Variants in VRK3 observed in about 807,000 individuals in gnomAD.
VRK3 encodes serine/threonine-protein kinase VRK3.
In VRK3, 50 loss-of-function variants were observed where a neutral mutation model predicts 60.4. That is an observed-to-expected ratio of 0.83 (90% confidence interval 0.66 to 1.05). The LOEUF (loss-of-function observed/expected upper bound fraction) is 1.05, where lower values mean the gene tolerates loss of function less well. Ranked by LOEUF, VRK3 falls within the 50% of genes least tolerant of loss-of-function variation. The pLI is 0.00. For synonymous variants in VRK3, 246 were observed against 227.8 expected (o/e 1.08, Z -0.72); for missense variants, 549 against 585.3 (o/e 0.94, Z 0.64).
Position 50,007,654 on chromosome 19 carries a change from T to A in VRK3, c.462A>T (p.Thr154=), listed in dbSNP as rs771485087. The change falls in exon 5 of 15, where the codon ACA becomes ACT. Residue 154 remains threonine, a synonymous_variant. Coordinates refer to ENST00000316763, the MANE Select transcript of VRK3 (RefSeq NM_016440.4). ...CACTCTTGTCTGTCAGCACTGTCCC[T>A]GTGGGCAAAGCTTCAAGTGAGGTGG... ...RVTTSLEALP[T]GTVLTDKSGR... is the part of the protein sequence containing the mutation. 1.2e-6 allele frequency: 2 copies of A among 1,614,226 alleles called. No homozygotes were observed. The highest frequency in any genetic ancestry group is 1.7e-6 in the Non-Finnish European group (2 of 1,180,044).
intron 1 of VRK3, among the ~76,000 whole-genome samples, chr19:50,022,655 G>A (rs10420596): frequency 0.052 from 7,911 of 151,930 alleles, 679 homozygotes; most frequent in African/African-American, 0.18. Flanking sequence ...TCAGCCGGGC[G>A]TGGTGGTGGG....
At chr19:50,024,236 C>A (rs2077223889) in intron 1 of VRK3, among the ~76,000 whole-genome samples, 1 of 152,166 alleles carries the variant, frequency 6.6e-6, no homozygotes, top group African/African-American at 2.4e-5. Flanking sequence ...CCGTGCCCAG[C>A]CAAATTTTTT....
intron 12 of VRK3, chr19:49,982,319 T>C: frequency 1.5e-6 from 1 of 664,274 alleles, no homozygotes; most frequent in South Asian, 1.6e-5. Flanking sequence ...TTCAGCATTA[T>C]GCTAGGTGGC....
chr19:49,981,775 G>A (rs763988977), intron 12 of VRK3: 58 of 1,036,400 alleles, frequency 5.6e-5, no homozygotes, highest in African/African-American at 1.9e-4. Context: ...CTCCCCACCC[G>A]TCCCAAGCAC....
At chr19:50,016,421 T>A (rs2077080197) in intron 2 of VRK3, among the ~76,000 whole-genome samples, 2 of 152,180 alleles carry the variant, frequency 1.3e-5, no homozygotes, top group African/African-American at 2.4e-5. Context: ...TTCTGGCCAA[T>A]GGGGTGTGAG....
intron 14 of VRK3, among the ~76,000 whole-genome samples, chr19:49,976,988 C>T (rs1402917321): frequency 6.6e-6 from 1 of 152,186 alleles, no homozygotes; most frequent in Non-Finnish European, 1.5e-5. Context: ...TAAACACACG[C>T]TTCCCTCCAG....
chr19:49,995,133 C>G, intron 8 of VRK3, 58 bp downstream of exon 8: 1 of 1,570,676 alleles, frequency 6.4e-7, no homozygotes, highest in Non-Finnish European at 8.7e-7. Context: ...TGCCTGGAGT[C>G]ACAACAGGAA....
At chr19:49,991,455 C>T (rs1244871350) in intron 10 of VRK3, among the ~76,000 whole-genome samples, 1 of 152,054 alleles carries the variant, frequency 6.6e-6, no homozygotes, top group Non-Finnish European at 1.5e-5. Context: ...AGATTGCAAA[C>T]TGAAGAATCT....
Position 49,992,953 on chromosome 19 carries a change from C to G in VRK3, c.871-1G>C. ...CATGGAGGAACTCCAGGGCATCCAG[C>G]TGGGGGAAGAAGCAAGTCAGTGTCT... On this transcript the variant is annotated splice_acceptor_variant, in intron 9 of 14. Transcript: ENST00000316763. LOFTEE classifies it high-confidence loss of function. 6.2e-7 allele frequency: 1 copy of G among 1,611,246 alleles called. No homozygotes were observed. The highest frequency in any genetic ancestry group is 1.1e-5 in the South Asian group (1 of 91,080).
At chr19:49,983,546 G>A (rs2076460204) in intron 12 of VRK3, among the ~76,000 whole-genome samples, 1 of 152,210 alleles carries the variant, frequency 6.6e-6, no homozygotes, top group South Asian at 2.1e-4. Context: ...ACCTGCCATG[G>A]GCTCTCCCTG....
In VRK3 at chr19:50,000,859, G is replaced by C. The variant is rs752588372; in HGVS notation, c.548-5C>G. 3.7e-6 allele frequency: 6 copies of C among 1,613,396 alleles called. No homozygotes were observed. The highest frequency in any genetic ancestry group is 3.3e-5 in the Admixed American group (2 of 59,912). On this transcript the variant is annotated splice_polypyrimidine_tract_variant and splice_region_variant and intron_variant, in intron 5 of 14. Coordinates refer to ENST00000316763, the MANE Select transcript of VRK3 (RefSeq NM_016440.4). Reference sequence around the variant, plus strand: ...TGAGGGTGGAGGTGGGTGCAGCTGTGGGGGAACAAACAAGGGAGTGAGGTT... The same window carrying C: ...TGAGGGTGGAGGTGGGTGCAGCTGTCGGGGAACAAACAAGGGAGTGAGGTT...
chr19:49,989,255 C>A (rs1010131743), intron 11 of VRK3, among the ~76,000 whole-genome samples: 1 of 152,178 alleles, frequency 6.6e-6, no homozygotes, highest in African/African-American at 2.4e-5. Flanking sequence ...CCCAGGGCTT[C>A]GGCTGATAAC....
rs1321560794 is a variant in VRK3 at position 50,013,158 on chromosome 19, C to T, written c.139+2866G>A. ...CTCCAGCCTGGGCGACAGAGCGAGA[C>T]TCCGTCTCAAAAACAAAACAAAACA... On this transcript the variant is annotated intron_variant, in intron 3 of 14. Transcript: ENST00000316763. Among the ~76,000 whole-genome samples, 3 of 152,198 alleles carry T rather than the reference C, an allele frequency of 2.0e-5. No individual in the cohort carries two copies. The East Asian group carries it at 5.8e-4, about 29-fold the overall frequency.
chr19:50,022,767 C>G (rs1204871211), intron 1 of VRK3, among the ~76,000 whole-genome samples: 1 of 152,152 alleles, frequency 6.6e-6, no homozygotes, highest in Non-Finnish European at 1.5e-5. Context: ...GCACTCCAGC[C>G]TGGGCAACAG....
intron 12 of VRK3, among the ~76,000 whole-genome samples, chr19:49,983,277 C>T (rs1261704022): frequency 6.6e-6 from 1 of 152,218 alleles, no homozygotes; most frequent in African/African-American, 2.4e-5. Context: ...TGCCTCTGCA[C>T]ATATCGCTCT....
chr19:50,005,317 A>T (rs949785418), intron 5 of VRK3, among the ~76,000 whole-genome samples: 1 of 149,268 alleles, frequency 6.7e-6, no homozygotes, highest in Non-Finnish European at 1.5e-5. Flanking sequence ...CAAGGCAGGG[A>T]TGGCCAACGG....
intron 5 of VRK3, among the ~76,000 whole-genome samples, chr19:50,006,850 C>G (rs2076899924): frequency 1.3e-5 from 2 of 152,196 alleles, no homozygotes; most frequent in South Asian, 2.1e-4. Flanking sequence ...CTCATTGTAA[C>G]AGAGTCTGAG....
Position 49,988,508 on chromosome 19 carries a change from T to C in VRK3, c.1097-16A>G. ...CGGGAGGGCCCTGGGGAAGGAGGAG[T>C]AAAGGTGGCAGCTCAAGTCTGGACG... On this transcript the variant is annotated splice_polypyrimidine_tract_variant and intron_variant, in intron 11 of 14. Transcript: ENST00000316763. 1 of 1,610,190 alleles carries C rather than the reference T, an allele frequency of 6.2e-7. No homozygotes were observed. The highest frequency in any genetic ancestry group is 1.7e-5 in the Admixed American group (1 of 59,874).
At chr19:50,016,269 C>A in intron 2 of VRK3, 106 bp from the exon 3 acceptor site, 2 of 1,435,698 alleles carry the variant, frequency 1.4e-6, no homozygotes, top group South Asian at 1.2e-5. Context: ...GGAGGCACAA[C>A]CAGGGTCTTC....
Sources: allele counts gnomAD v4.1 joint callset (sites outside exome capture counted in the v4.1 genomes callset), GRCh38; gene constraint gnomAD v4.1.1; transcripts MANE v1.5; gene names NCBI Gene and HGNC (gene_info 2026-07-23, HGNC 2026-07-21).